The following NR1D2 variants were observed in gnomAD, a reference collection of about 807,000 sequenced individuals.
The protein encoded by NR1D2 is V-erbA-related protein 1-related.
NR1D2 carries 25 observed loss-of-function variants against 52.2 expected under a neutral mutation model. That is an observed-to-expected ratio of 0.48 (90% CI 0.35 to 0.67). The LOEUF is 0.67. Ranked by LOEUF, NR1D2 falls within the 30% of genes least tolerant of loss-of-function variation. The pLI, the probability that NR1D2 is intolerant of heterozygous loss-of-function variation, is 0.01. For missense variants in NR1D2, 681 were observed against 707.2 expected (o/e 0.96, Z 0.42); for synonymous variants, 259 against 230.1 (o/e 1.13, Z -1.14).
At position 23,945,994 on chromosome 3, in the gene NR1D2, A is replaced by G. The variant is rs1705679591; in HGVS notation, c.16+400A>G. On this transcript the variant is annotated intron_variant, in intron 1 of 7. Transcript: ENST00000312521. ...GTGAGGCCGCTCGGCTCCCTGACCC[A>G]CATTCCCCGGGGCCGCAGGGACACG... 1.2e-5 allele frequency: 7 copies of G among 590,230 alleles called. No individual in the cohort carries two copies. The South Asian group carries it at 2.1e-4, about 18-fold the overall frequency. The allele number at this position is 590,230 out of a possible 1,614,324, so 36.6% of individuals were successfully genotyped here. A position where few individuals can be genotyped will look rare whatever the true frequency, so the allele number is the denominator to read the frequency against.
chr3:23,964,328 C>T (rs984547936), intron 5 of NR1D2, among the ~76,000 whole-genome samples: 10 of 152,148 alleles, frequency 6.6e-5, no homozygotes, highest in Admixed American at 3.9e-4. Flanking sequence ...TCGCCTGCCT[C>T]GGTCTCCCAA....
intron 3 of NR1D2, among the ~76,000 whole-genome samples, chr3:23,956,846 A>G (rs544400543): frequency 6.6e-6 from 1 of 152,304 alleles, no homozygotes; most frequent in South Asian, 2.1e-4. Flanking sequence ...ATGAAGACAC[A>G]TGTTCTTGCT....
intron 7 of NR1D2, among the ~76,000 whole-genome samples, chr3:23,968,471 C>G (rs1217237957): frequency 6.6e-6 from 1 of 152,146 alleles, no homozygotes; most frequent in Admixed American, 6.5e-5. Flanking sequence ...AGGCTTTAGT[C>G]CAGTTCTGCC....
At chr3:23,945,992 C>A in intron 1 of NR1D2, 1 of 577,244 alleles carries the variant, frequency 1.7e-6, no homozygotes, top group South Asian at 7.3e-5. Context: ...GCTCCCTGAC[C>A]CACATTCCCC....
At chr3:23,974,565 G>C (rs1421503917) in intron 7 of NR1D2, among the ~76,000 whole-genome samples, 2 of 152,022 alleles carry the variant, frequency 1.3e-5, no homozygotes, top group Admixed American at 6.6e-5. Context: ...AAGCACCTTA[G>C]AACAGTAACC....
intron 1 of NR1D2, among the ~76,000 whole-genome samples, chr3:23,945,832 C>G (rs948267211): frequency 4.0e-5 from 6 of 150,754 alleles, no homozygotes; most frequent in Admixed American, 6.6e-5. Flanking sequence ...CCGGCCCCCC[C>G]CTCACATGGC....
chr3:23,956,271 T>C, intron 3 of NR1D2, 146 bp downstream of exon 3: 1 of 581,692 alleles, frequency 1.7e-6, no homozygotes, highest in Non-Finnish European at 3.1e-6. Flanking sequence ...ATGTAGTGTA[T>C]AAGCATAACT....
intron 5 of NR1D2, 56 bp from the exon 6 acceptor site, chr3:23,964,921 G>C: frequency 8.3e-7 from 1 of 1,199,458 alleles, no homozygotes. Flanking sequence ...TGCTGCTTTT[G>C]ACATTTCTTT....
chr3:23,949,885 C>T (rs1705879312), intron 1 of NR1D2, among the ~76,000 whole-genome samples: 1 of 152,128 alleles, frequency 6.6e-6, no homozygotes, highest in South Asian at 2.1e-4. Context: ...AAGAAGACCC[C>T]AATATATGCA....
chr3:23,963,153 G>C (rs1055935599), intron 5 of NR1D2: 2 of 616,600 alleles, frequency 3.2e-6, no homozygotes, highest in African/African-American at 1.9e-5. Context: ...CATCTTATGA[G>C]ATGACTTAAT....
chr3:23,974,114 T>TTTTTTTA (rs1553599440), intron 7 of NR1D2, among the ~76,000 whole-genome samples: 1 of 147,878 alleles, frequency 6.8e-6, no homozygotes, highest in African/African-American at 2.5e-5. Context: ...TTTTTTTTTT[T>TTTTTTTA]AAGTAGAAGG....
At chr3:23,973,182 T>C (rs1706635257) in intron 7 of NR1D2, among the ~76,000 whole-genome samples, 2 of 152,240 alleles carry the variant, frequency 1.3e-5, no homozygotes, top group African/African-American at 4.8e-5. Flanking sequence ...TTCGGTATTA[T>C]AAATTACTAA....
At chr3:23,973,084 C>G (rs1706632246) in intron 7 of NR1D2, among the ~76,000 whole-genome samples, 1 of 152,210 alleles carries the variant, frequency 6.6e-6, no homozygotes, top group Non-Finnish European at 1.5e-5. Flanking sequence ...AGTTCCCACT[C>G]AGGTATCTTC....
chr3:23,966,276 G>GGAGGGAGT (rs1706448795), intron 6 of NR1D2, among the ~76,000 whole-genome samples: 1 of 152,214 alleles, frequency 6.6e-6, no homozygotes, highest in African/African-American at 2.4e-5. Context: ...TTATTATAAC[G>GGAGGGAGT]GAGGGAGTGA....
Position 23,959,666 on chromosome 3 carries a change from C to G in NR1D2, c.373-5C>G, listed in dbSNP as rs1706184663. 1 of 1,606,780 alleles carries G rather than the reference C, an allele frequency of 6.2e-7. No individual in the cohort carries two copies. Among genetic ancestry groups the G allele is most frequent in the East Asian group, 2.2e-5 (1 of 44,772 alleles). ...ATGGGTAAGTAAATCTTCCTTTGTTCTTAGGGTTTCTTTCGGAGAAGTATT... is the reference window on the plus strand; with the variant it reads ...ATGGGTAAGTAAATCTTCCTTTGTTGTTAGGGTTTCTTTCGGAGAAGTATT... On this transcript the variant is annotated splice_region_variant and splice_polypyrimidine_tract_variant and intron_variant, in intron 3 of 7. Transcript: ENST00000312521.
At chr3:23,957,201 T>C (rs1283476648) in intron 3 of NR1D2, among the ~76,000 whole-genome samples, 1 of 151,818 alleles carries the variant, frequency 6.6e-6, no homozygotes, top group Non-Finnish European at 1.5e-5. Flanking sequence ...CAGGCTGGTC[T>C]TGAACTCCTA....
chr3:23,967,289 C>T (rs1197771338), intron 6 of NR1D2, among the ~76,000 whole-genome samples: 1 of 151,960 alleles, frequency 6.6e-6, no homozygotes, highest in Non-Finnish European at 1.5e-5. Flanking sequence ...TGCCACTGCA[C>T]TCCAGCCTGG....
chr3:23,955,503 A>AT (rs969366665), intron 2 of NR1D2, among the ~76,000 whole-genome samples: 14 of 152,150 alleles, frequency 9.2e-5, no homozygotes, highest in African/African-American at 3.4e-4. Flanking sequence ...TCAGCGAGGT[A>AT]TTTTTGTCAG....
chr3:23,957,373 TCTC>T (rs1403738401), intron 3 of NR1D2, among the ~76,000 whole-genome samples: 1 of 144,744 alleles, frequency 6.9e-6, no homozygotes, highest in Non-Finnish European at 1.5e-5. Context: ...TAAAAAAGAT[TCTC>T]CTTCTCTATA....
Sources: gnomAD v4.1 joint callset for allele counts (sites outside exome capture counted in the v4.1 genomes callset) on GRCh38, gnomAD v4.1.1 for gene constraint, MANE v1.5 for transcripts, NCBI Gene and HGNC (gene_info 2026-07-23, HGNC 2026-07-21) for gene names.